SMARCA4: variants seen among roughly 807,000 people sequenced by gnomAD.
The protein encoded by SMARCA4 is SWI/SNF related BAF chromatin remodeling complex subunit ATPase 4, also known as SWI/SNF-related matrix-associated actin-dependent regulator of chromatin subfamily A member 4.
Under a neutral mutation model 193.9 loss-of-function variants are expected in SMARCA4, and 31 were observed. The ratio of observed to expected loss-of-function variants is 0.16; its 90% CI spans 0.12 to 0.22. The LOEUF is 0.22. Among genes scored for constraint, SMARCA4 ranks in the 10% least tolerant of loss-of-function variants. The probability of loss-of-function intolerance (pLI) is 1.00; values close to 1 mark genes in which losing one functional copy is unlikely to be tolerated. For synonymous variants in SMARCA4, 942 were observed against 933.1 expected, an observed-to-expected ratio of 1.01 and a Z score of -0.17; for missense variants, 1,148 against 2,296.0, an observed-to-expected ratio of 0.50 and a Z score of 10.22.
At chr19:10,977,512 C>T (rs1321301668) in intron 1 of SMARCA4, 3 of 152,114 alleles carry the variant, frequency 2.0e-5, no homozygotes, top group Non-Finnish European at 2.9e-5. Context: ...TAAGTAGATA[C>T]GGGGTTTCAC....
At chr19:10,981,677 T>C (rs982646083) in intron 1 of SMARCA4, among the ~76,000 whole-genome samples, 1 of 152,182 alleles carries the variant, frequency 6.6e-6, no homozygotes. Flanking sequence ...ATCTCTTGTC[T>C]AAGAATATAT....
intron 23 of SMARCA4, among the ~76,000 whole-genome samples, chr19:11,027,454 G>A (rs559110511): frequency 3.9e-4 from 59 of 152,322 alleles, no homozygotes; most frequent in African/African-American, 1.4e-3. Flanking sequence ...GACAAGGTCT[G>A]GCTTCCCGGA....
chr19:10,965,970 G>GTTTT (rs372236923), intron 1 of SMARCA4, among the ~76,000 whole-genome samples: 17 of 78,980 alleles, frequency 2.2e-4, no homozygotes, highest in African/African-American at 3.3e-4. Flanking sequence ...TAGTGGCATG[G>GTTTT]TTTTTTTTTT....
At position 11,019,152 on chromosome 19, in the gene SMARCA4, G is replaced by C; in HGVS notation, c.2505+129G>C. The C allele has an allele frequency of 1.3e-6, 1 of 770,574 alleles. No homozygotes were observed. The highest frequency in any genetic ancestry group is 1.4e-5 in the South Asian group (1 of 70,784). The allele number at this position is 770,574 out of a possible 1,614,324, so 47.7% of individuals were successfully genotyped here. ...GTCTCCAGTCGCATGGAGTCTCCAGGACAGCCTGGAACTCCAGTCACATGG... is the reference window on the plus strand; with the variant it reads ...GTCTCCAGTCGCATGGAGTCTCCAGCACAGCCTGGAACTCCAGTCACATGG... On this transcript the variant is annotated intron_variant, in intron 17 of 34. Transcript: ENST00000344626. The surrounding 1 kb of genome is among the most constrained non-coding windows in gnomAD (Gnocchi z 6.1).
At chr19:10,998,775 C>T (rs570940783) in intron 11 of SMARCA4, among the ~76,000 whole-genome samples, 1 of 152,226 alleles carries the variant, frequency 6.6e-6, no homozygotes, top group South Asian at 2.1e-4. Context: ...CCATTGGCTC[C>T]TGTTTGCTTT....
Position 11,024,380 on chromosome 19 carries a change from A to C in SMARCA4, c.3023A>C (p.Tyr1008Ser), listed in dbSNP as rs2146473833. 6.2e-7 allele frequency: 1 copy of C among 1,613,196 alleles called. No individual in the cohort carries two copies. Among genetic ancestry groups the C allele is most frequent in the Non-Finnish European group, 8.5e-7 (1 of 1,179,922 alleles). The change falls in exon 21 of 35, where the codon TAC becomes TCC. Residue 1008 changes from tyrosine to serine, a missense_variant. Transcript: ENST00000344626. ...ATGTCTGCGCTGCAGCGAGTGCTCT[A>C]CCGCCACATGCAGGCCAAGGGCGTG... is the stretch of plus-strand genomic sequence containing the variant. ...CDMSALQRVL[Y>S]RHMQAKGVLL...
At chr19:10,965,010 A>T (rs1482988124) in intron 1 of SMARCA4, among the ~76,000 whole-genome samples, 2 of 151,826 alleles carry the variant, frequency 1.3e-5, no homozygotes, top group Non-Finnish European at 2.9e-5. Flanking sequence ...CCTGGGTTTG[A>T]CTCCTGGTTT....
Position 11,033,154 on chromosome 19 carries a change from C to T in SMARCA4, c.3547-136C>T, listed in dbSNP as rs1243156339. ...CTCCACCAGCTCTGTTTTCATGCGGCGGCAGGTCAGGCTGGGCAGAATTGT... is the reference window on the plus strand; with the variant it reads ...CTCCACCAGCTCTGTTTTCATGCGGTGGCAGGTCAGGCTGGGCAGAATTGT... On this transcript the variant is annotated intron_variant, in intron 25 of 34. Coordinates refer to ENST00000344626, the MANE Select transcript of SMARCA4 (RefSeq NM_003072.5). This position sits in a 1 kb window ranked among gnomAD's most constrained non-coding sequence, Gnocchi z 9.8. 8 of 725,748 alleles carry T rather than the reference C, an allele frequency of 1.1e-5. No individual in the cohort carries two copies. The highest frequency in any genetic ancestry group is 9.8e-5 in the Admixed American group (5 of 50,768). 45.0% of individuals were successfully genotyped at this position (725,748 alleles called of 1,614,324 possible).
intron 1 of SMARCA4, among the ~76,000 whole-genome samples, chr19:10,970,196 C>T (rs2084564444): frequency 6.6e-6 from 1 of 152,084 alleles, no homozygotes; most frequent in Admixed American, 6.6e-5. Context: ...ACGGAGGGGC[C>T]ATTGAAGCTG....
chr19:11,017,364 C>T (rs929476200), intron 16 of SMARCA4, among the ~76,000 whole-genome samples: 1 of 152,248 alleles, frequency 6.6e-6, no homozygotes. Flanking sequence ...CACCTTCTTC[C>T]CCTACTTCAG....
rs908806258 is a variant in SMARCA4 at position 11,060,181 on chromosome 19, A to C, written c.4905A>C (p.Gln1635His). ...GTGACGATGACAGTGAGGAGGAACA[A>C]GAGGAGGTGAGGCCGGGCCCCCGAG... Reference protein sequence around the residue: ...VVSDDDSEEEQEEDRSGSGSE... With the variant: ...VVSDDDSEEEHEEDRSGSGSE... Residue 1635 changes from glutamine to histidine, a missense_variant, in exon 34 of 35, where the codon CAA becomes CAC. Gln to His is a conservative substitution (Grantham distance 24). This residue lies in a region of SMARCA4 where 105 missense variants were observed against 133.7 expected (regional missense o/e 0.79). Coordinates refer to ENST00000344626, the MANE Select transcript of SMARCA4 (RefSeq NM_003072.5). The C allele has an allele frequency of 1.3e-6, 2 of 1,550,942 alleles. No individual in the cohort carries two copies. The highest frequency in any genetic ancestry group is 1.7e-6 in the Non-Finnish European group (2 of 1,146,672).
Position 11,059,841 on chromosome 19 carries a change from G to A in SMARCA4, c.4724G>A (p.Ser1575Asn), listed in dbSNP as rs878854229. 4.3e-6 allele frequency: 7 copies of A among 1,613,796 alleles called. No individual in the cohort carries two copies. The highest frequency in any genetic ancestry group is 1.3e-5 in the African/African-American group (1 of 74,954). ...GAGGATGACAGTGAAGGCGAGGAGAGTGAGGAGGAGGAAGAGGGCGAGGAG... is the reference window on the plus strand; with the variant it reads ...GAGGATGACAGTGAAGGCGAGGAGAATGAGGAGGAGGAAGAGGGCGAGGAG... ...EKEDDSEGEESEEEEEGEEEG... is the reference protein window; with the variant it reads ...EKEDDSEGEENEEEEEGEEEG... The change falls in exon 33 of 35, where the codon AGT becomes AAT. Residue 1575 changes from serine to asparagine, a missense_variant. Transcript: ENST00000344626.
intron 21 of SMARCA4, 22 bp from the exon 22 acceptor site, chr19:11,025,400 G>A (rs2146494745): frequency 6.3e-7 from 1 of 1,591,826 alleles, no homozygotes; most frequent in Non-Finnish European, 8.6e-7. Flanking sequence ...CCCCATTTGG[G>A]TCCCTCTCAT....
chr19:11,048,199 GA>G (rs971973953), intron 30 of SMARCA4, among the ~76,000 whole-genome samples: 1 of 150,918 alleles, frequency 6.6e-6, no homozygotes, highest in Non-Finnish European at 1.5e-5. Context: ...TCCAAGAAAA[GA>G]AAAAAAACTT....
At position 11,019,437 on chromosome 19, in the gene SMARCA4, C is replaced by T. The variant is rs749979789; in HGVS notation, c.2506-154C>T. Reference sequence around the variant, plus strand: ...TTCTGCGTGGTGAGGTCTGGGGACGCGCCAGCGGCCCTGCCAGCCCCTTTC... The same window carrying T: ...TTCTGCGTGGTGAGGTCTGGGGACGTGCCAGCGGCCCTGCCAGCCCCTTTC... On this transcript the variant is annotated intron_variant, in intron 17 of 34. Transcript: ENST00000344626. The surrounding 1 kb of genome is among the most constrained non-coding windows in gnomAD (Gnocchi z 6.1). The T allele has an allele frequency of 4.7e-5, 31 of 654,286 alleles. No homozygotes were observed. Among genetic ancestry groups the T allele is most frequent in the Middle Eastern group, 3.9e-4 (1 of 2,558 alleles). 40.5% of individuals were successfully genotyped at this position (654,286 alleles called of 1,614,324 possible).
chr19:10,998,895 CTTTT>C (rs1335988156), intron 11 of SMARCA4, among the ~76,000 whole-genome samples: 3 of 138,434 alleles, frequency 2.2e-5, no homozygotes, highest in Non-Finnish European at 4.7e-5. Context: ...GTCCTGGTTC[CTTTT>C]TTTTTTTTTT....
chr19:10,992,113 C>CTTTT (rs545950698), intron 8 of SMARCA4, among the ~76,000 whole-genome samples: 2 of 142,118 alleles, frequency 1.4e-5, no homozygotes, highest in African/African-American at 5.1e-5. Context: ...TCTCTGTTAA[C>CTTTT]TTTTTTTTTT....
At chr19:11,025,179 C>T (rs1032333594) in intron 21 of SMARCA4, among the ~76,000 whole-genome samples, 2 of 152,232 alleles carry the variant, frequency 1.3e-5, no homozygotes, top group Admixed American at 6.5e-5. Flanking sequence ...CCGTCCCGTC[C>T]TGCTGGCCCT....
At chr19:11,025,124 A>C (rs1385483652) in intron 21 of SMARCA4, among the ~76,000 whole-genome samples, 1 of 152,076 alleles carries the variant, frequency 6.6e-6, no homozygotes, top group Non-Finnish European at 1.5e-5. Context: ...AGCTGGCATC[A>C]CAAAGCATCG....
Sources: gnomAD v4.1 joint callset for allele counts (sites outside exome capture counted in the v4.1 genomes callset) on GRCh38, gnomAD v4.1.1 for gene constraint, gnomAD v4.1.1 regional missense constraint, Gnocchi (gnomAD v3.1) non-coding constraint, MANE v1.5 for transcripts, NCBI Gene and HGNC (gene_info 2026-07-23, HGNC 2026-07-21) for gene names.